The following DRC11 variants were observed in gnomAD, a reference collection of about 807,000 sequenced individuals.
DRC11 encodes the protein IQ and AAA domain-containing protein 1.
chr2:236,363,996 C>A, the DRC11 span: 1 of 1,607,074 alleles, frequency 6.2e-7, no homozygotes, highest in Non-Finnish European at 8.5e-7. The surrounding 1 kb of genome is among the most constrained non-coding windows in gnomAD (Gnocchi z 5.6). Context: ...AAGGCAGAGG[C>A]AAAGGTGCTA....
At chr2:236,392,622 T>C in the DRC11 span, among the ~76,000 whole-genome samples, 12 of 152,202 alleles carry the variant, frequency 7.9e-5, no homozygotes, top group Admixed American at 7.2e-4. The surrounding 1 kb of genome is among the most constrained non-coding windows in gnomAD (Gnocchi z 5.1). Flanking sequence ...TTAAGTGTGA[T>C]ACAATAGTAT....
the DRC11 span, among the ~76,000 whole-genome samples, chr2:236,310,415 C>A: frequency 6.6e-6 from 1 of 152,238 alleles, no homozygotes; most frequent in Non-Finnish European, 1.5e-5. The surrounding 1 kb of genome is among the most constrained non-coding windows in gnomAD (Gnocchi z 5.5). Flanking sequence ...GTTCCAGTTT[C>A]ATCAACTCAT....
the DRC11 span, among the ~76,000 whole-genome samples, chr2:236,388,735 G>A: frequency 3.3e-5 from 5 of 150,126 alleles, no homozygotes; most frequent in East Asian, 2.0e-4. Flanking sequence ...GAGGAGAGGC[G>A]CTCTGCTTTT....
chr2:236,356,132 G>C, the DRC11 span, among the ~76,000 whole-genome samples: 1 of 151,958 alleles, frequency 6.6e-6, no homozygotes, highest in Admixed American at 6.6e-5. Context: ...AGCCCTCAGG[G>C]GCCAGGTCAC....
At chr2:236,423,274 A>G in the DRC11 span, among the ~76,000 whole-genome samples, 1 of 151,530 alleles carries the variant, frequency 6.6e-6, no homozygotes, top group African/African-American at 2.4e-5. Context: ...AACCTACAGA[A>G]TGGGAGAAAA....
the DRC11 span, among the ~76,000 whole-genome samples, chr2:236,459,089 C>T: frequency 2.0e-5 from 3 of 151,904 alleles, no homozygotes; most frequent in Non-Finnish European, 4.4e-5. Context: ...GTCACTATTA[C>T]AATAATTCAA....
chr2:236,356,975 ATT>A, the DRC11 span, among the ~76,000 whole-genome samples: 1 of 95,894 alleles, frequency 1.0e-5, no homozygotes, highest in African/African-American at 3.8e-5. Flanking sequence ...TATATTATAT[ATT>A]CATATATTAT....
At chr2:236,344,508 T>G in the DRC11 span, 3 of 1,382,522 alleles carry the variant, frequency 2.2e-6, no homozygotes, top group Non-Finnish European at 3.1e-6. Flanking sequence ...GGTAAGGGCC[T>G]CCTTTGGAGG....
chr2:236,502,140 A>T, the DRC11 span, among the ~76,000 whole-genome samples: 1 of 152,232 alleles, frequency 6.6e-6, no homozygotes, highest in South Asian at 2.1e-4. Flanking sequence ...TCAGTGGAGA[A>T]ATGCTAGAAA....
chr2:236,428,620 G>A, the DRC11 span, among the ~76,000 whole-genome samples: 1 of 151,950 alleles, frequency 6.6e-6, no homozygotes, highest in Non-Finnish European at 1.5e-5. Flanking sequence ...CATTCTATAT[G>A]TGTCCTTAAA....
the DRC11 span, among the ~76,000 whole-genome samples, chr2:236,406,361 T>C: frequency 3.2e-4 from 49 of 152,200 alleles, no homozygotes; most frequent in Non-Finnish European, 6.6e-4. The surrounding 1 kb of genome is among the most constrained non-coding windows in gnomAD (Gnocchi z 4.7). Context: ...TTGGTAAATA[T>C]GTGCATCTGA....
chr2:236,342,733 G>A, the DRC11 span, among the ~76,000 whole-genome samples: 10 of 152,350 alleles, frequency 6.6e-5, no homozygotes, highest in East Asian at 1.7e-3. The surrounding 1 kb of genome is among the most constrained non-coding windows in gnomAD (Gnocchi z 5.8). Flanking sequence ...GGGGGTGGGA[G>A]GTGGAGGATG....
chr2:236,505,332 T>C, the DRC11 span, among the ~76,000 whole-genome samples: 3 of 152,324 alleles, frequency 2.0e-5, no homozygotes, highest in East Asian at 5.8e-4. Flanking sequence ...GGGAATTCTT[T>C]TCAAGTTATT....
At chr2:236,469,109 G>A in the DRC11 span, among the ~76,000 whole-genome samples, 14 of 152,318 alleles carry the variant, frequency 9.2e-5, no homozygotes, top group African/African-American at 3.4e-4. The surrounding 1 kb of genome is among the most constrained non-coding windows in gnomAD (Gnocchi z 5.8). Flanking sequence ...AGCTGTCATT[G>A]GATTTTCCTG....
At chr2:236,440,962 C>T in the DRC11 span, 1 of 899,538 alleles carries the variant, frequency 1.1e-6, no homozygotes, top group Non-Finnish European at 1.8e-6. Flanking sequence ...CCTAATAACG[C>T]TATAAACTCA....
the DRC11 span, among the ~76,000 whole-genome samples, chr2:236,406,838 C>G: frequency 6.6e-6 from 1 of 151,950 alleles, no homozygotes; most frequent in Admixed American, 6.6e-5. The surrounding 1 kb of genome is among the most constrained non-coding windows in gnomAD (Gnocchi z 4.7). Flanking sequence ...CTCTGCCTCC[C>G]GGGTTCATGC....
the DRC11 span, among the ~76,000 whole-genome samples, chr2:236,402,294 C>T: frequency 1.3e-5 from 2 of 152,364 alleles, no homozygotes; most frequent in South Asian, 2.1e-4. This position sits in a 1 kb window ranked among gnomAD's most constrained non-coding sequence, Gnocchi z 6.0. Flanking sequence ...TACCAGCTCA[C>T]TCAGAGGACA....
chr2:236,491,851 C>T, the DRC11 span, among the ~76,000 whole-genome samples: 333 of 152,256 alleles, frequency 2.2e-3, 1 homozygote, highest in African/African-American at 7.3e-3. Context: ...TAAATGGGTG[C>T]TATGGTTTAA....
the DRC11 span, among the ~76,000 whole-genome samples, chr2:236,412,087 G>T: frequency 6.6e-6 from 1 of 152,056 alleles, no homozygotes; most frequent in African/African-American, 2.4e-5. Context: ...TAGGGATGGG[G>T]GTCTCCCTAT....
Sources: gnomAD v4.1 joint callset for allele counts (sites outside exome capture counted in the v4.1 genomes callset) on GRCh38, gnomAD v4.1.1 for gene constraint, Gnocchi (gnomAD v3.1) non-coding constraint, MANE v1.5 for transcripts, NCBI Gene and HGNC (gene_info 2026-07-23, HGNC 2026-07-21) for gene names.